The following PID1 variants were observed in gnomAD, a reference collection of about 807,000 sequenced individuals.
The protein encoded by PID1 is PTB-containing, cubilin and LRP1-interacting protein.
In PID1, 10 loss-of-function variants were observed where a neutral mutation model predicts 19.1. That is an observed-to-expected ratio of 0.52 (90% CI 0.32 to 0.89). The LOEUF (loss-of-function observed/expected upper bound fraction) is 0.89, where lower values mean the gene tolerates loss of function less well. Ranked by LOEUF, PID1 falls within the 40% of genes least tolerant of loss-of-function variation. The probability of loss-of-function intolerance (pLI) is 0.03; values close to 1 mark genes in which losing one functional copy is unlikely to be tolerated. For synonymous variants in PID1, 130 were observed against 116.0 expected (o/e 1.12, Z -0.78); for missense variants, 248 against 285.3 (o/e 0.87, Z 0.94).
intron 2 of PID1, among the ~76,000 whole-genome samples, chr2:229,048,215 A>C (rs115242005): frequency 5.3e-5 from 8 of 152,280 alleles, no homozygotes; most frequent in Admixed American, 1.3e-4. Flanking sequence ...GGCTTAAGTC[A>C]CAGATGTTCT....
At chr2:229,139,386 T>C (rs1198627593) in intron 2 of PID1, among the ~76,000 whole-genome samples, 1 of 152,118 alleles carries the variant, frequency 6.6e-6, no homozygotes, top group Non-Finnish European at 1.5e-5. Context: ...AGATGAAGAA[T>C]CTATCCTACA....
intron 1 of PID1, among the ~76,000 whole-genome samples, chr2:229,211,351 C>T (rs1419938): frequency 0.44 from 66,791 of 151,700 alleles, 15,973 homozygotes; most frequent in East Asian, 0.76. Flanking sequence ...GCACTTTGAA[C>T]GGTAACTGTT....
chr2:229,228,454 G>C (rs1455070799), intron 1 of PID1, among the ~76,000 whole-genome samples: 3 of 152,032 alleles, frequency 2.0e-5, no homozygotes, highest in Non-Finnish European at 4.4e-5. Flanking sequence ...GAATTTGATT[G>C]ATTTTACCAT....
At chr2:229,047,261 C>A (rs1693902213) in intron 2 of PID1, among the ~76,000 whole-genome samples, 1 of 152,162 alleles carries the variant, frequency 6.6e-6, no homozygotes, top group African/African-American at 2.4e-5. Flanking sequence ...AGGGCTCCTG[C>A]CCAGGTTCCC....
intron 1 of PID1, among the ~76,000 whole-genome samples, chr2:229,156,298 A>G (rs1206510878): frequency 6.6e-6 from 1 of 152,242 alleles, no homozygotes; most frequent in Non-Finnish European, 1.5e-5. Flanking sequence ...ATTCAGCTAC[A>G]TAAGATGTTT....
At chr2:229,262,513 T>C (rs544937705) in intron 1 of PID1, among the ~76,000 whole-genome samples, 1 of 152,276 alleles carries the variant, frequency 6.6e-6, no homozygotes, top group South Asian at 2.1e-4. Flanking sequence ...TATAGACACA[T>C]GCATTGTGTC....
intron 1 of PID1, among the ~76,000 whole-genome samples, chr2:229,164,857 C>T (rs1022305821): frequency 2.6e-5 from 4 of 152,180 alleles, no homozygotes; most frequent in African/African-American, 7.2e-5. Context: ...GGGGGACAAA[C>T]AAGAGAAGAG....
At chr2:229,080,835 G>A (rs186770657) in intron 2 of PID1, among the ~76,000 whole-genome samples, 1 of 152,252 alleles carries the variant, frequency 6.6e-6, no homozygotes, top group East Asian at 1.9e-4. Context: ...AGGTTCTCAT[G>A]CACGAATGCC....
At chr2:229,192,792 G>T (rs1397677018) in intron 1 of PID1, among the ~76,000 whole-genome samples, 1 of 152,082 alleles carries the variant, frequency 6.6e-6, no homozygotes, top group Non-Finnish European at 1.5e-5. Context: ...TAGTTTTATT[G>T]CATTGAGGTT....
intron 2 of PID1, among the ~76,000 whole-genome samples, chr2:229,102,932 A>G (rs1379065018): frequency 6.6e-6 from 1 of 152,176 alleles, no homozygotes; most frequent in Non-Finnish European, 1.5e-5. Flanking sequence ...CAATCTTAGC[A>G]GCAACTTTAT....
intron 1 of PID1, among the ~76,000 whole-genome samples, chr2:229,235,374 A>G (rs1188866188): frequency 6.6e-6 from 1 of 152,222 alleles, no homozygotes; most frequent in African/African-American, 2.4e-5. Flanking sequence ...AACAGCAGGA[A>G]GAGTCTGAAG....
In PID1 at chr2:229,238,333, T is replaced by C. The variant is rs141213139; in HGVS notation, c.30+32681A>G. Among the ~76,000 whole-genome samples, 4 of 152,256 alleles carry C rather than the reference T, an allele frequency of 2.6e-5. No individual in the cohort carries two copies. In the East Asian group the frequency reaches 7.7e-4, roughly 29 times the overall value. On this transcript the variant is annotated intron_variant, in intron 1 of 2. Coordinates refer to ENST00000392055, the MANE Select transcript of PID1 (RefSeq NM_001100818.2). ...TCCAACTTTATACTATATTCGCAGT[T>C]TAAAATGCCAAACCATATCATCGCT... is the stretch of plus-strand genomic sequence containing the variant.
intron 1 of PID1, among the ~76,000 whole-genome samples, chr2:229,194,398 G>A (rs1234576662): frequency 6.6e-6 from 1 of 151,534 alleles, no homozygotes; most frequent in African/African-American, 2.4e-5. Context: ...GACTTACTGT[G>A]GAGGCAAGCT....
At position 229,223,825 on chromosome 2, in the gene PID1, T is replaced by C. The variant is rs78684314; in HGVS notation, c.30+47189A>G. On this transcript the variant is annotated intron_variant, in intron 1 of 2. Coordinates refer to ENST00000392055, the MANE Select transcript of PID1 (RefSeq NM_001100818.2). ...TTCAGGGGATACCTATTCAGGTTTG[T>C]TACATGGCTATGTTGCATAATGCTG... 4.2e-4 allele frequency among the ~76,000 whole-genome samples: 64 copies of C among 152,344 alleles called. No individual in the cohort carries two copies. In the East Asian group the frequency reaches 0.012, roughly 28 times the overall value.
intron 2 of PID1, among the ~76,000 whole-genome samples, chr2:229,093,299 T>A (rs1295290532): frequency 1.3e-5 from 2 of 151,990 alleles, no homozygotes; most frequent in African/African-American, 2.4e-5. Context: ...AATTTTTGTA[T>A]TTTTAGTAGA....
chr2:229,238,808 T>C (rs1318511860), intron 1 of PID1, among the ~76,000 whole-genome samples: 1 of 152,022 alleles, frequency 6.6e-6, no homozygotes, highest in Non-Finnish European at 1.5e-5. Context: ...CTAGTATTGG[T>C]CAAACCAGCA....
intron 1 of PID1, among the ~76,000 whole-genome samples, chr2:229,206,232 A>T (rs558493431): frequency 3.9e-5 from 6 of 152,058 alleles, no homozygotes; most frequent in African/African-American, 7.2e-5. Flanking sequence ...TAAGGAAAAA[A>T]CAAACAAAAC....
At chr2:229,194,775 A>G (rs1464178451) in intron 1 of PID1, among the ~76,000 whole-genome samples, 1 of 152,032 alleles carries the variant, frequency 6.6e-6, no homozygotes, top group Non-Finnish European at 1.5e-5. Context: ...AGAGGATAGA[A>G]TACTGCCTGA....
intron 2 of PID1, among the ~76,000 whole-genome samples, chr2:229,066,340 T>G (rs1177410194): frequency 6.6e-6 from 1 of 152,044 alleles, no homozygotes; most frequent in Non-Finnish European, 1.5e-5. Flanking sequence ...TTGCCAAATA[T>G]GTGACAAGAG....
Sources: allele counts gnomAD v4.1 joint callset (sites outside exome capture counted in the v4.1 genomes callset), GRCh38; gene constraint gnomAD v4.1.1; transcripts MANE v1.5; gene names NCBI Gene and HGNC (gene_info 2026-07-23, HGNC 2026-07-21).